The following NRIP1 variants were observed in gnomAD, a reference collection of about 807,000 sequenced individuals.
The protein encoded by NRIP1 is nuclear receptor interacting protein 1.
In NRIP1, 28 loss-of-function variants were observed where a neutral mutation model predicts 75.0. The ratio of observed to expected loss-of-function variants is 0.37; its 90% CI spans 0.28 to 0.51. The LOEUF (loss-of-function observed/expected upper bound fraction) is 0.51, where lower values mean the gene tolerates loss of function less well. Ranked by LOEUF, NRIP1 falls within the 20% of genes least tolerant of loss-of-function variation. NRIP1 has a pLI of 0.92. For missense variants in NRIP1, 1,435 were observed against 1,343.7 expected (o/e 1.07, Z -1.06); for synonymous variants, 526 against 487.6 (o/e 1.08, Z -1.04).
intron 3 of NRIP1, among the ~76,000 whole-genome samples, 170 bp downstream of exon 3, chr21:15,014,174 T>C (rs569346312): frequency 1.4e-4 from 21 of 152,348 alleles, no homozygotes; most frequent in Admixed American, 4.6e-4. Flanking sequence ...GGAAGGATTG[T>C]AGCTCTTTCA....
At chr21:15,029,244 A>G (rs894405807) in intron 2 of NRIP1, among the ~76,000 whole-genome samples, 2 of 152,028 alleles carry the variant, frequency 1.3e-5, no homozygotes, top group African/African-American at 4.8e-5. Context: ...TCTGCTCAAA[A>G]CTTTCTAGGG....
upstream of NRIP1, among the ~76,000 whole-genome samples, chr21:15,065,340 C>A (rs990629409): frequency 9.2e-5 from 14 of 151,890 alleles, no homozygotes; most frequent in East Asian, 2.8e-3. Context: ...CCCGGGCCGT[C>A]CCCCGGGCTC....
Position 14,978,911 on chromosome 21 carries a change from TTTCTGGATGCTG to T in NRIP1, c.-334-10397_-334-10386del, listed in dbSNP as rs143795746. On this transcript the variant is annotated intron_variant, in intron 3 of 3. Transcript: ENST00000318948. ...ATTTCTATTTCAAAAACACAATACA[TTTCTGGATGCTG>T]TACTTCACTCTGTCTTGAAAATACT... 0.016 allele frequency among the ~76,000 whole-genome samples: 2,426 copies of T among 152,256 alleles called. 241 individuals are homozygous for T. The East Asian group carries it at 0.28, about 17-fold the overall frequency.
chr21:15,047,672 T>C (rs555943029), intron 1 of NRIP1, among the ~76,000 whole-genome samples: 1 of 152,230 alleles, frequency 6.6e-6, no homozygotes, highest in South Asian at 2.1e-4. Context: ...CCAGGACACA[T>C]GGGGAGTATA....
chr21:14,989,191 C>T (rs1053195565), intron 3 of NRIP1, among the ~76,000 whole-genome samples: 18 of 152,280 alleles, frequency 1.2e-4, no homozygotes, highest in African/African-American at 3.4e-4. Context: ...ACTCTGCAAA[C>T]GCTCTTTTTT....
At position 15,021,646 on chromosome 21, in the gene NRIP1, G is replaced by A. The variant is rs1600881812; in HGVS notation, c.-457-7180C>T. On this transcript the variant is annotated intron_variant, in intron 2 of 3. Transcript: ENST00000318948. ...TCATAAATTTATTTAAAATGAGTCC[G>A]ATGTGCTGACAAAGGTCTCATATCC... Among the ~76,000 whole-genome samples the A allele has an allele frequency of 3.9e-5, 6 of 152,210 alleles. 1 individual carries two copies. The highest frequency in any genetic ancestry group is 6.8e-3 in the Middle Eastern group (2 of 294).
chr21:14,965,346 C>G lies in NRIP1; in HGVS notation c.2847G>C (p.Leu949Phe), dbSNP rs781425410. The G allele has an allele frequency of 1.2e-6, 2 of 1,613,992 alleles. No individual in the cohort carries two copies. Among genetic ancestry groups the G allele is most frequent in the Middle Eastern group, 3.3e-4 (2 of 6,062 alleles). Residue 949 changes from leucine to phenylalanine, a missense_variant, in exon 4 of 4, where the codon TTG (leucine) becomes TTC (phenylalanine). Physicochemically the swap from Leu to Phe is conservative, Grantham distance 22. Transcript: ENST00000318948. ...CCACAGAGTTACTTCTGTGCGGGGA[C>G]AAATCTCGCACACAGTTTTCTGAGA... is the stretch of plus-strand genomic sequence containing the variant. ...LLLSENCVRD[L>F]SPHRSNSVAD...
At chr21:14,974,078 TTTAAG>T (rs1170893073) in intron 3 of NRIP1, 5 of 152,084 alleles carry the variant, frequency 3.3e-5, no homozygotes, top group Non-Finnish European at 5.9e-5. Flanking sequence ...TTTATTAATA[TTTAAG>T]TTAATTCATG....
chr21:15,001,539 C>G (rs2087849726), intron 3 of NRIP1, among the ~76,000 whole-genome samples: 2 of 152,024 alleles, frequency 1.3e-5, no homozygotes, highest in South Asian at 4.1e-4. Context: ...CTACAAGTCT[C>G]TATTTGAGTA....
chr21:15,062,647 C>T (rs1978401577), intron 1 of NRIP1, among the ~76,000 whole-genome samples: 1 of 152,238 alleles, frequency 6.6e-6, no homozygotes, highest in South Asian at 2.1e-4. Context: ...TTCTCTTGGA[C>T]GGGCTTTTGA....
At chr21:14,994,964 A>T (rs1274626053) in intron 3 of NRIP1, among the ~76,000 whole-genome samples, 1 of 152,246 alleles carries the variant, frequency 6.6e-6, no homozygotes, top group Non-Finnish European at 1.5e-5. Context: ...CTTGTATTTT[A>T]TCAGTACTAC....
rs778114250 is a variant in NRIP1 at position 14,967,880 on chromosome 21, T to A, written c.313A>T (p.Ile105Phe). 2.5e-6 allele frequency: 4 copies of A among 1,614,128 alleles called. No individual in the cohort carries two copies. The highest frequency in any genetic ancestry group is 8.5e-7 in the Non-Finnish European group (1 of 1,180,018). ...AAKRKRLSDS[I>F]MNLNVKKEAL... is the part of the protein sequence containing the mutation. ...TCCTTCTTTACGTTTAAATTCATGA[T>A]AGAATCAGACAGCCTCTTCCGCTTT... is the stretch of plus-strand genomic sequence containing the variant. Residue 105 changes from isoleucine to phenylalanine, a missense_variant, in exon 4 of 4, where the codon ATC (isoleucine) becomes TTC (phenylalanine). Physicochemically the swap from Ile to Phe is conservative, Grantham distance 21. Coordinates refer to ENST00000318948, the MANE Select transcript of NRIP1 (RefSeq NM_003489.4).
At chr21:14,989,118 C>T (rs2087496318) in intron 3 of NRIP1, among the ~76,000 whole-genome samples, 1 of 152,168 alleles carries the variant, frequency 6.6e-6, no homozygotes, top group South Asian at 2.1e-4. Context: ...TCACACCACC[C>T]CTAAGATACT....
chr21:15,035,553 T>C (rs567299332), intron 2 of NRIP1, among the ~76,000 whole-genome samples: 7 of 146,544 alleles, frequency 4.8e-5, no homozygotes, highest in African/African-American at 1.5e-4. Flanking sequence ...AAATTGTATA[T>C]GACTTTTTTT....
At chr21:15,060,185 A>C (rs2089394721) in intron 1 of NRIP1, among the ~76,000 whole-genome samples, 1 of 152,194 alleles carries the variant, frequency 6.6e-6, no homozygotes. Flanking sequence ...TTATTGCAAC[A>C]AATTAAAACT....
chr21:14,965,346 C>A lies in NRIP1; in HGVS notation c.2847G>T (p.Leu949Phe), dbSNP rs781425410. The change falls in exon 4 of 4, where the codon TTG (leucine) becomes TTT (phenylalanine). Residue 949 changes from leucine (L) to phenylalanine (F), a missense_variant. Coordinates refer to ENST00000318948, the MANE Select transcript of NRIP1 (RefSeq NM_003489.4). ...CCACAGAGTTACTTCTGTGCGGGGA[C>A]AAATCTCGCACACAGTTTTCTGAGA... is the stretch of plus-strand genomic sequence containing the variant. Reference protein sequence around the residue: ...LLLSENCVRDLSPHRSNSVAD... With the variant: ...LLLSENCVRDFSPHRSNSVAD... The A allele has an allele frequency of 2.1e-5, 34 of 1,613,874 alleles. No homozygotes were observed. The highest frequency in any genetic ancestry group is 2.8e-5 in the Non-Finnish European group (33 of 1,179,962).
At chr21:15,053,023 C>T (rs907509527) in intron 1 of NRIP1, among the ~76,000 whole-genome samples, 1 of 152,064 alleles carries the variant, frequency 6.6e-6, no homozygotes. Flanking sequence ...TGTTGACTGC[C>T]CAAAGGCCCA....
rs746935785 is a variant in NRIP1 at position 14,966,676 on chromosome 21, C to T, written c.1517G>A (p.Gly506Asp). The change falls in exon 4 of 4, where the codon GGC (glycine) becomes GAC (aspartate). Residue 506 changes from glycine to aspartate, a missense_variant. Coordinates refer to ENST00000318948, the MANE Select transcript of NRIP1 (RefSeq NM_003489.4). ...QKVTLLQLLLGHKNEENVEKN... is the reference protein window; with the variant it reads ...QKVTLLQLLLDHKNEENVEKN... ...TTCTACATTTTCTTCATTCTTATGG[C>T]CAAGTAGCAATTGAAGAAGTGTTAC... 1.2e-6 allele frequency: 2 copies of T among 1,614,022 alleles called. No homozygotes were observed. The highest frequency in any genetic ancestry group is 1.7e-5 in the Admixed American group (1 of 59,992).
At chr21:15,050,943 C>T (rs970265471) in intron 1 of NRIP1, 6 of 455,442 alleles carry the variant, frequency 1.3e-5, no homozygotes, top group Admixed American at 7.1e-5. Flanking sequence ...ATAACTTATT[C>T]AAAGCTACTA....
Sources: gnomAD v4.1 joint callset for allele counts (sites outside exome capture counted in the v4.1 genomes callset) on GRCh38, gnomAD v4.1.1 for gene constraint, MANE v1.5 for transcripts, NCBI Gene and HGNC (gene_info 2026-07-23, HGNC 2026-07-21) for gene names.